TMEM266: variants seen among roughly 807,000 people sequenced by gnomAD.
TMEM266 encodes the protein Hv1 related protein 1.
A neutral mutation model predicts 50.5 loss-of-function variants in TMEM266; 33 were observed. That is an observed-to-expected ratio of 0.65 (90% CI 0.50 to 0.87). The LOEUF (loss-of-function observed/expected upper bound fraction) is 0.87. TMEM266 is among the 40% of genes least tolerant of loss of function. The pLI is 0.00. For synonymous variants in TMEM266, 310 were observed against 292.3 expected (o/e 1.06, Z -0.62); for missense variants, 655 against 695.1 (o/e 0.94, Z 0.65).
chr15:76,077,359 T>G (rs1287253716), intron 1 of TMEM266, among the ~76,000 whole-genome samples: 1 of 152,086 alleles, frequency 6.6e-6, no homozygotes, highest in Non-Finnish European at 1.5e-5. Context: ...CCTATTTATT[T>G]TCATTCATGT....
chr15:76,201,482 A>G (rs945125810), intron 9 of TMEM266, among the ~76,000 whole-genome samples: 2 of 151,802 alleles, frequency 1.3e-5, no homozygotes, highest in Admixed American at 6.6e-5. Context: ...GCCTCAACCA[A>G]TCCTCCCACC....
At position 76,080,444 on chromosome 15, in the gene TMEM266, G is replaced by A. The variant is rs890217237; in HGVS notation, c.-97+20428G>A. On this transcript the variant is annotated intron_variant, in intron 1 of 10. Coordinates refer to ENST00000388942, the MANE Select transcript of TMEM266 (RefSeq NM_152335.3). The stretch of plus-strand genomic sequence containing the variant: ...TTTTTGTATTTTTAGTAGAGATGGG[G>A]TTTCACTATGTTGGTCAGGTGGTCT... Among the ~76,000 whole-genome samples the A allele has an allele frequency of 4.0e-5, 6 of 150,290 alleles. No homozygotes were observed. In the East Asian group the frequency reaches 1.0e-3, roughly 25 times the overall value.
At chr15:76,112,511 T>C (rs1213485132) in intron 1 of TMEM266, 1 of 152,232 alleles carries the variant, frequency 6.6e-6, no homozygotes, top group East Asian at 1.9e-4. Context: ...AGAAGATCAG[T>C]TGCTGGACGA....
At chr15:76,109,898 G>A (rs1054500364) in intron 1 of TMEM266, among the ~76,000 whole-genome samples, 7 of 151,660 alleles carry the variant, frequency 4.6e-5, no homozygotes, top group South Asian at 2.1e-4. Context: ...GGCCTCAAGC[G>A]ATCTTCCTGC....
intron 1 of TMEM266, among the ~76,000 whole-genome samples, chr15:76,104,262 A>G (rs977577067): frequency 6.6e-6 from 1 of 152,186 alleles, no homozygotes; most frequent in Non-Finnish European, 1.5e-5. Flanking sequence ...ACTCTCCAAT[A>G]TAGATAGTAG....
chr15:76,124,219 G>T (rs1049307122), intron 1 of TMEM266, among the ~76,000 whole-genome samples: 1 of 152,172 alleles, frequency 6.6e-6, no homozygotes, highest in East Asian at 1.9e-4. Context: ...CTTTCTTCTC[G>T]TTTGGGAGTC....
intron 3 of TMEM266, among the ~76,000 whole-genome samples, chr15:76,150,776 G>A (rs1302947403): frequency 6.6e-6 from 1 of 152,236 alleles, no homozygotes; most frequent in African/African-American, 2.4e-5. Context: ...CTGCCTGACA[G>A]AGCAGTGGCT....
At chr15:76,151,390 C>T (rs555314932) in intron 3 of TMEM266, among the ~76,000 whole-genome samples, 4 of 152,264 alleles carry the variant, frequency 2.6e-5, no homozygotes, top group African/African-American at 7.2e-5. Flanking sequence ...TTATTGGCAG[C>T]TTGGGATTTT....
At chr15:76,120,291 AT>A (rs1477830213) in intron 1 of TMEM266, among the ~76,000 whole-genome samples, 1 of 152,148 alleles carries the variant, frequency 6.6e-6, no homozygotes, top group Non-Finnish European at 1.5e-5. Flanking sequence ...CATGGAATAT[AT>A]TATACAGCCA....
At chr15:76,184,388 A>G (rs1040987280) in intron 8 of TMEM266, among the ~76,000 whole-genome samples, 1 of 152,218 alleles carries the variant, frequency 6.6e-6, no homozygotes, top group Non-Finnish European at 1.5e-5. Flanking sequence ...GCCAACTACC[A>G]GTCATCTTCA....
rs529363050 is a variant in TMEM266 at position 76,157,987 on chromosome 15, CAAAT to C, written c.382+1236_382+1239del. Among the ~76,000 whole-genome samples, 899 of 150,450 alleles carry C rather than the reference CAAAT, an allele frequency of 6.0e-3. 14 individuals carry two copies. The highest frequency in any genetic ancestry group is 0.02 in the African/African-American group (841 of 41,166). On this transcript the variant is annotated intron_variant, in intron 4 of 10. Transcript: ENST00000388942. ...TGGGTGACAGAGTGAGACCCCATCT[CAAAT>C]AAATAAGTAAATAAATAAATAAATA...
intron 9 of TMEM266, among the ~76,000 whole-genome samples, chr15:76,194,916 A>T (rs909037351): frequency 1.3e-5 from 2 of 152,184 alleles, no homozygotes; most frequent in African/African-American, 2.4e-5. Flanking sequence ...GGGGGTACCC[A>T]TTCAACCCTT....
intron 1 of TMEM266, among the ~76,000 whole-genome samples, chr15:76,116,739 C>G (rs568118337): frequency 3.3e-5 from 5 of 152,226 alleles, no homozygotes; most frequent in Admixed American, 3.3e-4. Context: ...ATTTTCTGTA[C>G]ATAGGGATTG....
In TMEM266 at chr15:76,204,135, C is replaced by T. The variant is rs766438584; in HGVS notation, c.1416C>T (p.Ala472=). 44 of 1,613,254 alleles carry T rather than the reference C, an allele frequency of 2.7e-5. No individual in the cohort carries two copies. The highest frequency in any genetic ancestry group is 3.2e-5 in the Non-Finnish European group (38 of 1,179,916). Reference sequence around the variant, plus strand: ...CCCGGCCCAGCCCAGCGGGCTCGGCCCAAACCAGCCCCGAGCTGGAACACA... The same window carrying T: ...CCCGGCCCAGCCCAGCGGGCTCGGCTCAAACCAGCCCCGAGCTGGAACACA... Residue 472 remains alanine (A), a synonymous_variant, in exon 11 of 11, where the codon GCC becomes GCT. Transcript: ENST00000388942.
chr15:76,182,240 C>T (rs1011048196), intron 8 of TMEM266, among the ~76,000 whole-genome samples: 2 of 152,116 alleles, frequency 1.3e-5, no homozygotes, highest in Non-Finnish European at 2.9e-5. Flanking sequence ...CCCTGAGCCT[C>T]AGCTTCTCAT....
At chr15:76,170,805 A>G (rs2038175377) in intron 6 of TMEM266, among the ~76,000 whole-genome samples, 188 bp from the exon 7 acceptor site, 1 of 152,056 alleles carries the variant, frequency 6.6e-6, no homozygotes, top group Non-Finnish European at 1.5e-5. Flanking sequence ...CATTCAGGAG[A>G]ACGTCTAGGA....
chr15:76,180,591 G>A (rs1335935440), intron 8 of TMEM266, among the ~76,000 whole-genome samples: 1 of 112,456 alleles, frequency 8.9e-6, no homozygotes, highest in Non-Finnish European at 1.8e-5. Context: ...GTTACTCTCT[G>A]TTTCTTCATC....
rs372763047 is a variant in TMEM266 at position 76,176,869 on chromosome 15, A to G, written c.768+1195A>G. ...GTCTCATGTGGCGTACAGGCCTGCT[A>G]TGTGTCTGCCCGTCCTATCGACCTC... On this transcript the variant is annotated intron_variant, in intron 8 of 10. Transcript: ENST00000388942. Among the ~76,000 whole-genome samples the G allele has an allele frequency of 3.3e-5, 5 of 152,092 alleles. No individual in the cohort carries two copies. In the East Asian group the frequency reaches 7.7e-4, roughly 23 times the overall value.
intron 8 of TMEM266, among the ~76,000 whole-genome samples, chr15:76,179,817 G>A (rs925377857): frequency 2.0e-5 from 3 of 152,144 alleles, no homozygotes; most frequent in South Asian, 4.1e-4. Flanking sequence ...GGCCTGGCGC[G>A]ATGGCTCACA....
Sources: gnomAD v4.1 joint callset for allele counts (sites outside exome capture counted in the v4.1 genomes callset) on GRCh38, gnomAD v4.1.1 for gene constraint, MANE v1.5 for transcripts, NCBI Gene and HGNC (gene_info 2026-07-23, HGNC 2026-07-21) for gene names.